The following GMPR variants were observed in gnomAD, a reference collection of about 807,000 sequenced individuals.
GMPR encodes GMP reductase 1.
Under a neutral mutation model 38.4 loss-of-function variants are expected in GMPR, and 31 were observed. The ratio of observed to expected loss-of-function variants is 0.81; its 90% CI spans 0.61 to 1.09. GMPR has a LOEUF of 1.09. Among genes scored for constraint, GMPR ranks in the 50% least tolerant of loss-of-function variants. GMPR has a pLI of 0.00. For missense variants in GMPR, 468 were observed against 453.7 expected, an observed-to-expected ratio of 1.03 and a Z score of -0.29; for synonymous variants, 162 against 173.3, an observed-to-expected ratio of 0.93 and a Z score of 0.51.
chr6:16,267,926 G>A (rs951671063), intron 4 of GMPR, among the ~76,000 whole-genome samples: 1 of 152,248 alleles, frequency 6.6e-6, no homozygotes, highest in African/African-American at 2.4e-5. Flanking sequence ...ATGCATGACT[G>A]ATGGCTCATT....
At chr6:16,294,533 G>A (rs1379179914) in intron 8 of GMPR, among the ~76,000 whole-genome samples, 1 of 152,198 alleles carries the variant, frequency 6.6e-6, no homozygotes, top group African/African-American at 2.4e-5. Context: ...TCCTGTTGTT[G>A]ACGTAGGAGG....
intron 4 of GMPR, among the ~76,000 whole-genome samples, chr6:16,271,456 C>A (rs967139069): frequency 6.6e-6 from 1 of 152,138 alleles, no homozygotes; most frequent in Non-Finnish European, 1.5e-5. Flanking sequence ...ATTGCACTCC[C>A]GTCTGGGAGA....
intron 7 of GMPR, among the ~76,000 whole-genome samples, chr6:16,289,089 T>TA (rs1314386919): frequency 2.6e-5 from 4 of 152,202 alleles, no homozygotes; most frequent in African/African-American, 9.7e-5. Flanking sequence ...GTTTCGCTCT[T>TA]TGCAATAGAT....
At chr6:16,289,062 TG>T (rs1438191759) in intron 7 of GMPR, among the ~76,000 whole-genome samples, 8 of 152,192 alleles carry the variant, frequency 5.3e-5, no homozygotes, top group Non-Finnish European at 1.0e-4. Context: ...TCCTTTTCTT[TG>T]GGAGGGTGAT....
intron 7 of GMPR, among the ~76,000 whole-genome samples, chr6:16,286,288 G>A (rs1048948020): frequency 6.6e-6 from 1 of 152,028 alleles, no homozygotes; most frequent in Non-Finnish European, 1.5e-5. Context: ...TGAGCCCGTG[G>A]GATTGGGGAT....
At chr6:16,277,904 A>T (rs1175788049) in intron 5 of GMPR, among the ~76,000 whole-genome samples, 1 of 152,122 alleles carries the variant, frequency 6.6e-6, no homozygotes. Flanking sequence ...GGAGGGGAGC[A>T]GGTGGAGCTT....
At chr6:16,294,903 G>T (rs940746341) in intron 8 of GMPR, 103 bp from the exon 9 acceptor site, 49 of 869,270 alleles carry the variant, frequency 5.6e-5, no homozygotes, top group Non-Finnish European at 7.8e-5. Flanking sequence ...TTTTCTGAGT[G>T]CCTTGGGGGC....
intron 4 of GMPR, among the ~76,000 whole-genome samples, chr6:16,258,753 T>A (rs1462257826): frequency 6.6e-6 from 1 of 152,248 alleles, no homozygotes; most frequent in Non-Finnish European, 1.5e-5. Context: ...TTGGTGTTTT[T>A]GAAACATAAT....
intron 3 of GMPR, among the ~76,000 whole-genome samples, chr6:16,251,385 A>G (rs1459553358): frequency 2.0e-5 from 3 of 152,210 alleles, no homozygotes; most frequent in South Asian, 2.1e-4. Context: ...AACCTGCCCA[A>G]CATGGAGAAA....
intron 5 of GMPR, among the ~76,000 whole-genome samples, chr6:16,275,329 C>A (rs528711907): frequency 6.6e-6 from 1 of 152,206 alleles, no homozygotes; most frequent in Admixed American, 6.5e-5. Flanking sequence ...CAAACCTAAA[C>A]CAATATGAGA....
intron 8 of GMPR, among the ~76,000 whole-genome samples, chr6:16,291,911 A>G (rs1759846372): frequency 6.6e-6 from 1 of 151,150 alleles, no homozygotes; most frequent in South Asian, 2.1e-4. Flanking sequence ...ACCCTGCCAA[A>G]AAAAAAAAAA....
intron 1 of GMPR, among the ~76,000 whole-genome samples, chr6:16,244,210 C>CTT (rs760576826): frequency 1.9e-4 from 22 of 118,752 alleles, no homozygotes; most frequent in East Asian, 2.3e-4. Flanking sequence ...TCTATTTGTA[C>CTT]TTTTTTTTTT....
At chr6:16,253,892 T>C (rs548677916) in intron 3 of GMPR, among the ~76,000 whole-genome samples, 1 of 152,172 alleles carries the variant, frequency 6.6e-6, no homozygotes, top group South Asian at 2.1e-4. Context: ...TTCCCTGATA[T>C]GACACAATCA....
At chr6:16,291,457 C>G (rs1049400524) in intron 8 of GMPR, among the ~76,000 whole-genome samples, 1 of 152,096 alleles carries the variant, frequency 6.6e-6, no homozygotes, top group African/African-American at 2.4e-5. Context: ...CTCCTGACTT[C>G]CAGTGATCCA....
intron 5 of GMPR, among the ~76,000 whole-genome samples, chr6:16,277,385 G>A (rs529300741): frequency 4.1e-4 from 62 of 152,272 alleles, no homozygotes; most frequent in Admixed American, 1.4e-3. Context: ...GCCAGGAGCC[G>A]GAGATTAGGC....
At chr6:16,290,192 T>A (rs1421341100) in intron 7 of GMPR, 1 of 364,858 alleles carries the variant, frequency 2.7e-6, no homozygotes, top group African/African-American at 2.0e-5. Context: ...TAGTTAGCCA[T>A]TAAAAGCCAT....
At chr6:16,267,410 G>A (rs2113687927) in intron 4 of GMPR, among the ~76,000 whole-genome samples, 1 of 151,866 alleles carries the variant, frequency 6.6e-6, no homozygotes, top group East Asian at 2.0e-4. Context: ...AAGGTCTGTG[G>A]CTTCACTCCT....
intron 6 of GMPR, among the ~76,000 whole-genome samples, chr6:16,280,747 A>C: frequency 6.6e-6 from 1 of 152,160 alleles, no homozygotes; most frequent in East Asian, 1.9e-4. Context: ...TGGCTCTTTC[A>C]GAGGTTAGTC....
intron 4 of GMPR, among the ~76,000 whole-genome samples, chr6:16,265,921 C>G (rs887101107): frequency 6.6e-6 from 1 of 152,184 alleles, no homozygotes; most frequent in Non-Finnish European, 1.5e-5. Flanking sequence ...CAGTTTCACT[C>G]CTGAAGTCAG....
Sources: gnomAD v4.1 joint callset for allele counts (sites outside exome capture counted in the v4.1 genomes callset) on GRCh38, gnomAD v4.1.1 for gene constraint, MANE v1.5 for transcripts, NCBI Gene and HGNC (gene_info 2026-07-23, HGNC 2026-07-21) for gene names.